Variants in EEIG2 observed in about 807,000 individuals in gnomAD.
EEIG2 encodes EEIG family member 2.
the EEIG2 span, among the ~76,000 whole-genome samples, chr1:108,617,007 A>G: frequency 1.3e-5 from 2 of 152,142 alleles, no homozygotes; most frequent in Non-Finnish European, 2.9e-5. Context: ...GACCTGAAGG[A>G]GGTGGGAAGC....
At chr1:108,633,539 G>A in the EEIG2 span, among the ~76,000 whole-genome samples, 3 of 152,232 alleles carry the variant, frequency 2.0e-5, no homozygotes, top group East Asian at 1.9e-4. Flanking sequence ...TACTGGGACC[G>A]GCATGCACCT....
At chr1:108,564,149 A>G in the EEIG2 span, among the ~76,000 whole-genome samples, 2 of 152,316 alleles carry the variant, frequency 1.3e-5, no homozygotes, top group South Asian at 2.1e-4. Context: ...GTTGCTTTCT[A>G]CTGCTCATAG....
At chr1:108,635,048 T>C in the EEIG2 span, 2 of 1,580,070 alleles carry the variant, frequency 1.3e-6, no homozygotes, top group African/African-American at 2.7e-5. Context: ...TAAGGTTACT[T>C]GGAACAGTTT....
chr1:108,561,007 C>T, the EEIG2 span, among the ~76,000 whole-genome samples: 18 of 152,370 alleles, frequency 1.2e-4, no homozygotes, highest in Non-Finnish European at 2.6e-4. Context: ...GCCACCCACT[C>T]TGAGGCTGGG....
the EEIG2 span, among the ~76,000 whole-genome samples, chr1:108,616,741 C>T: frequency 2.0e-5 from 3 of 152,044 alleles, no homozygotes; most frequent in South Asian, 2.1e-4. Context: ...CTATTAAGTG[C>T]CTTACCATGT....
chr1:108,570,973 G>T, the EEIG2 span, among the ~76,000 whole-genome samples: 1 of 152,186 alleles, frequency 6.6e-6, no homozygotes, highest in African/African-American at 2.4e-5. Context: ...GATTACTTCA[G>T]TAGAGCAGGC....
the EEIG2 span, among the ~76,000 whole-genome samples, chr1:108,632,554 G>A: frequency 2.0e-5 from 3 of 152,188 alleles, no homozygotes; most frequent in Admixed American, 6.5e-5. Context: ...TATGAGGACA[G>A]TGGTATGAAT....
the EEIG2 span, chr1:108,638,824 C>T: frequency 6.6e-6 from 1 of 152,314 alleles, no homozygotes; most frequent in Non-Finnish European, 1.5e-5. Context: ...TTCCCTTACA[C>T]ATGCGATTTT....
At chr1:108,574,409 A>C in the EEIG2 span, among the ~76,000 whole-genome samples, 1 of 152,204 alleles carries the variant, frequency 6.6e-6, no homozygotes, top group Non-Finnish European at 1.5e-5. Context: ...GTTTTGTGAG[A>C]TAAAAAGAGT....
chr1:108,620,534 A>G, the EEIG2 span, among the ~76,000 whole-genome samples: 5 of 152,212 alleles, frequency 3.3e-5, no homozygotes, highest in Non-Finnish European at 7.3e-5. Context: ...CTCTGCTGGC[A>G]TTTGGGAATG....
chr1:108,629,935 T>C, the EEIG2 span: 1 of 388,306 alleles, frequency 2.6e-6, no homozygotes, highest in Admixed American at 4.2e-5. Flanking sequence ...AAAGTTGCAA[T>C]ATAAAAGGAC....
chr1:108,581,734 G>A, the EEIG2 span, among the ~76,000 whole-genome samples: 2 of 152,088 alleles, frequency 1.3e-5, no homozygotes, highest in Admixed American at 6.6e-5. Flanking sequence ...CTACATATGA[G>A]CAAAAAAGTG....
chr1:108,624,549 G>A, the EEIG2 span: 1 of 866,444 alleles, frequency 1.2e-6, no homozygotes, highest in Non-Finnish European at 1.8e-6. Flanking sequence ...ACATTACCAA[G>A]CAGTCTATGC....
the EEIG2 span, chr1:108,560,141 G>T: frequency 5.6e-6 from 1 of 177,894 alleles, no homozygotes; most frequent in Non-Finnish European, 1.1e-5. Context: ...CGGCGGCGGC[G>T]GCGAGCTGAG....
At chr1:108,619,990 C>G in the EEIG2 span, among the ~76,000 whole-genome samples, 1 of 152,170 alleles carries the variant, frequency 6.6e-6, no homozygotes, top group Admixed American at 6.5e-5. Flanking sequence ...TGAGCACACT[C>G]CCATACCTAC....
chr1:108,579,596 G>A, the EEIG2 span, among the ~76,000 whole-genome samples: 1 of 150,728 alleles, frequency 6.6e-6, no homozygotes, highest in South Asian at 2.1e-4. Flanking sequence ...GGACCTAATA[G>A]ACATCTACAG....
chr1:108,562,848 G>GAA, the EEIG2 span, among the ~76,000 whole-genome samples: 1 of 136,520 alleles, frequency 7.3e-6, no homozygotes, highest in African/African-American at 2.7e-5. Context: ...CATTTTACAA[G>GAA]AAAAAAAAAA....
the EEIG2 span, among the ~76,000 whole-genome samples, chr1:108,579,772 T>TGTGAGAGAGA: frequency 5.6e-3 from 327 of 58,876 alleles, 4 homozygotes; most frequent in Middle Eastern, 9.8e-3. Context: ...TGTGTGTGTG[T>TGTGAGAGAGA]GAGAGAGAGA....
the EEIG2 span, among the ~76,000 whole-genome samples, chr1:108,634,455 C>A: frequency 1.3e-5 from 2 of 152,176 alleles, no homozygotes; most frequent in Non-Finnish European, 2.9e-5. Context: ...TAAACTCAGG[C>A]ACACTCATGG....
Sources: allele counts gnomAD v4.1 joint callset (sites outside exome capture counted in the v4.1 genomes callset), GRCh38; gene constraint gnomAD v4.1.1; transcripts MANE v1.5; gene names NCBI Gene and HGNC (gene_info 2026-07-23, HGNC 2026-07-21).